Variants in CFAP54 observed in about 807,000 individuals in gnomAD.
CFAP54 encodes the protein cilia and flagella associated protein 54, also known as cilia- and flagella-associated protein 54.
Under a neutral mutation model 370.4 loss-of-function variants are expected in CFAP54, and 290 were observed. The observed-to-expected ratio is 0.78, with a 90% CI of 0.71 to 0.86. The LOEUF (loss-of-function observed/expected upper bound fraction) is 0.86. CFAP54 is among the 40% of genes least tolerant of loss of function. The probability of loss-of-function intolerance (pLI) is 0.00; values close to 1 mark genes in which losing one functional copy is unlikely to be tolerated. For missense variants in CFAP54, 3,399 were observed against 3,528.7 expected (o/e 0.96, Z 0.93); for synonymous variants, 1,206 against 1,236.5 (o/e 0.98, Z 0.52).
chr12:96,654,676 TC>T (rs1956902102), intron 36 of CFAP54, among the ~76,000 whole-genome samples: 1 of 152,088 alleles, frequency 6.6e-6, no homozygotes, highest in South Asian at 2.1e-4. Flanking sequence ...CTTGTCTTCA[TC>T]CTCTCCTCTC....
chr12:96,848,227 C>T (rs1206902246), intron 66 of CFAP54, among the ~76,000 whole-genome samples: 1 of 152,138 alleles, frequency 6.6e-6, no homozygotes, highest in Non-Finnish European at 1.5e-5. Context: ...CAGGCATGCA[C>T]CACCACACCT....
chr12:96,844,194 T>C (rs1959269056), intron 66 of CFAP54, among the ~76,000 whole-genome samples: 1 of 152,140 alleles, frequency 6.6e-6, no homozygotes, highest in Non-Finnish European at 1.5e-5. Context: ...AAAAGGGACT[T>C]TGCAGATGTG....
intron 63 of CFAP54, among the ~76,000 whole-genome samples, chr12:96,799,392 T>A (rs960842765): frequency 2.0e-5 from 3 of 152,196 alleles, no homozygotes; most frequent in Non-Finnish European, 4.4e-5. Context: ...TCTGCATTGG[T>A]CTATTCTTGC....
chr12:96,592,570 T>A lies in CFAP54; in HGVS notation c.3293T>A (p.Ile1098Asn), dbSNP rs544253159. Reference sequence around the variant, plus strand: ...AGAAATATTTTTGTAACAAGTGACATCAAAATTAAAGAAGAAAATCTTTTC... The same window carrying A: ...AGAAATATTTTTGTAACAAGTGACAACAAAATTAAAGAAGAAAATCTTTTC... ...FLRNIFVTSD[I>N]KIKEENLFCD... Residue 1098 changes from isoleucine (I) to asparagine (N), a missense_variant, in exon 24 of 68, where the codon ATC (isoleucine) becomes AAC (asparagine). By Grantham distance (149) the Ile-to-Asn change is moderately radical. This residue lies in a region of CFAP54 where 2,796 missense variants were observed against 2,869.7 expected (regional missense o/e 0.97). Coordinates refer to ENST00000524981, the MANE Select transcript of CFAP54 (RefSeq NM_001306084.2). The A allele has an allele frequency of 2.0e-5, 25 of 1,238,630 alleles. No individual in the cohort carries two copies. Among genetic ancestry groups the A allele is most frequent in the Non-Finnish European group, 2.5e-5 (23 of 918,512 alleles). The allele number at this position is 1,238,630 out of a possible 1,614,324, so 76.7% of individuals were successfully genotyped here. A position where few individuals can be genotyped will look rare whatever the true frequency, so the allele number is the denominator to read the frequency against.
At chr12:96,559,693 C>T (rs749720754) in intron 17 of CFAP54, among the ~76,000 whole-genome samples, 1 of 151,808 alleles carries the variant, frequency 6.6e-6, no homozygotes, top group Non-Finnish European at 1.5e-5. Flanking sequence ...TGGACATATC[C>T]ATAGGCTGAG....
chr12:96,576,709 G>A lies in CFAP54; in HGVS notation c.2744G>A (p.Arg915Gln), dbSNP rs763606810. 42 of 1,535,668 alleles carry A rather than the reference G, an allele frequency of 2.7e-5. No individual in the cohort carries two copies. The highest frequency in any genetic ancestry group is 1.7e-4 in the Middle Eastern group (1 of 6,008). ...RVPPPPILLS[R>Q]THCSVTLKPA... ...CCCCCTCCACCTATCCTGCTGTCTCGAACTCATTGTTCTGTGACACTCAAA... is the reference window on the plus strand; with the variant it reads ...CCCCCTCCACCTATCCTGCTGTCTCAAACTCATTGTTCTGTGACACTCAAA... Residue 915 changes from arginine to glutamine, a missense_variant, in exon 20 of 68, where the codon CGA becomes CAA. Transcript: ENST00000524981.
intron 48 of CFAP54, among the ~76,000 whole-genome samples, chr12:96,716,247 C>A (rs1008872232): frequency 1.3e-5 from 2 of 152,160 alleles, no homozygotes; most frequent in Non-Finnish European, 2.9e-5. Flanking sequence ...TCCATAAATG[C>A]GGATAAGAGA....
intron 14 of CFAP54, among the ~76,000 whole-genome samples, chr12:96,547,183 A>ATATT (rs1354923913): frequency 3.3e-5 from 5 of 151,940 alleles, no homozygotes; most frequent in African/African-American, 1.2e-4. Context: ...GAAAGCTTTT[A>ATATT]TATTTATTTA....
intron 26 of CFAP54, among the ~76,000 whole-genome samples, chr12:96,604,926 T>C: frequency 6.6e-6 from 1 of 152,216 alleles, no homozygotes; most frequent in East Asian, 1.9e-4. Flanking sequence ...CAAACCCTTG[T>C]GCTTTCTGGG....
Position 96,589,413 on chromosome 12 carries a change from G to A in CFAP54, c.3076-14G>A. On this transcript the variant is annotated splice_polypyrimidine_tract_variant and intron_variant, in intron 22 of 67. Coordinates refer to ENST00000524981, the MANE Select transcript of CFAP54 (RefSeq NM_001306084.2). ...GAATAAAACTATTACATAAATATGT[G>A]CTTTTTGTTATAGGTTGCCTATCAA... 6.6e-7 allele frequency: 1 copy of A among 1,511,936 alleles called. No individual in the cohort carries two copies. The highest frequency in any genetic ancestry group is 8.9e-7 in the Non-Finnish European group (1 of 1,129,192). The allele number at this position is 1,511,936 out of a possible 1,614,324, so 93.7% of individuals were successfully genotyped here. A position where few individuals can be genotyped will look rare whatever the true frequency, so the allele number is the denominator to read the frequency against.
intron 63 of CFAP54, among the ~76,000 whole-genome samples, chr12:96,793,450 A>G (rs1276976054): frequency 6.6e-6 from 1 of 152,012 alleles, no homozygotes; most frequent in African/African-American, 2.4e-5. Flanking sequence ...CCACTCACTG[A>G]TTGATGGGCA....
intron 66 of CFAP54, among the ~76,000 whole-genome samples, chr12:96,859,464 G>A (rs984493024): frequency 1.3e-5 from 2 of 151,674 alleles, no homozygotes; most frequent in African/African-American, 4.8e-5. Context: ...GGAGAGCAAT[G>A]GCATGATCTT....
intron 1 of CFAP54, among the ~76,000 whole-genome samples, chr12:96,494,067 T>C (rs1954919885): frequency 6.6e-6 from 1 of 152,080 alleles, no homozygotes; most frequent in African/African-American, 2.4e-5. Context: ...GGGATTTGAC[T>C]AGCCAAACAG....
chr12:96,813,766 A>G (rs1958948243), intron 64 of CFAP54, among the ~76,000 whole-genome samples: 1 of 152,144 alleles, frequency 6.6e-6, no homozygotes, highest in Admixed American at 6.6e-5. Flanking sequence ...GAGAGTGCCT[A>G]GGAGTCAGTA....
chr12:96,739,229 G>C (rs768955502), intron 50 of CFAP54, among the ~76,000 whole-genome samples: 1 of 152,014 alleles, frequency 6.6e-6, no homozygotes, highest in Admixed American at 6.6e-5. Flanking sequence ...TCTGTATTTT[G>C]AATTTTGTTT....
At chr12:96,676,952 GTC>G (rs1182727678) in intron 39 of CFAP54, among the ~76,000 whole-genome samples, 1 of 151,992 alleles carries the variant, frequency 6.6e-6, no homozygotes, top group Non-Finnish European at 1.5e-5. Context: ...TACCATTCTG[GTC>G]TCCTGATCTC....
At chr12:96,790,577 A>G (rs1171110951) in intron 62 of CFAP54, among the ~76,000 whole-genome samples, 1 of 152,190 alleles carries the variant, frequency 6.6e-6, no homozygotes, top group African/African-American at 2.4e-5. Context: ...ATTGAATATG[A>G]ATTGTTTGCT....
chr12:96,565,712 G>A (rs1396222539), intron 19 of CFAP54, among the ~76,000 whole-genome samples: 4 of 152,176 alleles, frequency 2.6e-5, no homozygotes, highest in Non-Finnish European at 5.9e-5. Flanking sequence ...AATGATGGGT[G>A]GGCTGCAGGG....
At chr12:96,762,748 TC>T (rs1003751748) in intron 58 of CFAP54, among the ~76,000 whole-genome samples, 19 of 151,834 alleles carry the variant, frequency 1.3e-4, no homozygotes, top group African/African-American at 4.6e-4. Flanking sequence ...TCCAGATTAG[TC>T]CCATTACAGC....
Sources: gnomAD v4.1 joint callset for allele counts (sites outside exome capture counted in the v4.1 genomes callset) on GRCh38, gnomAD v4.1.1 for gene constraint, gnomAD v4.1.1 regional missense constraint, MANE v1.5 for transcripts, NCBI Gene and HGNC (gene_info 2026-07-23, HGNC 2026-07-21) for gene names.